The following EIF3H variants were observed in gnomAD, a reference collection of about 807,000 sequenced individuals.
The protein encoded by EIF3H is eIF-3-gamma.
In EIF3H, 26 loss-of-function variants were observed where a neutral mutation model predicts 44.2. The observed-to-expected ratio is 0.59, with a 90% confidence interval of 0.43 to 0.82. The LOEUF is 0.82. Ranked by LOEUF, EIF3H falls within the 40% of genes least tolerant of loss-of-function variation. The pLI is 0.00. For missense variants in EIF3H, 359 were observed against 432.8 expected (o/e 0.83, Z 1.51); for synonymous variants, 166 against 151.9 (o/e 1.09, Z -0.68).
chr8:116,741,799 T>C (rs979536859), intron 1 of EIF3H, among the ~76,000 whole-genome samples: 16 of 152,374 alleles, frequency 1.1e-4, no homozygotes, highest in Non-Finnish European at 2.2e-4. Flanking sequence ...TTTAATTCTG[T>C]AGACTTTCAT....
At chr8:116,743,808 ACACACAC>A (rs1815181316) in intron 1 of EIF3H, among the ~76,000 whole-genome samples, 3 of 86,034 alleles carry the variant, frequency 3.5e-5, no homozygotes, top group Non-Finnish European at 6.1e-5. Flanking sequence ...AAACACACAC[ACACACAC>A]ACACACACAC....
intron 5 of EIF3H, among the ~76,000 whole-genome samples, chr8:116,652,525 G>A (rs1350219955): frequency 6.6e-6 from 1 of 152,142 alleles, no homozygotes; most frequent in African/African-American, 2.4e-5. Flanking sequence ...TTTGTTTTTA[G>A]GAGATGCACG....
At chr8:116,741,558 C>A (rs979096607) in intron 1 of EIF3H, among the ~76,000 whole-genome samples, 1 of 152,198 alleles carries the variant, frequency 6.6e-6, no homozygotes, top group Non-Finnish European at 1.5e-5. Context: ...AAAGCTCAAA[C>A]TATACCAGTC....
chr8:116,661,345 G>C (rs1027880480), intron 2 of EIF3H, among the ~76,000 whole-genome samples: 1 of 152,168 alleles, frequency 6.6e-6, no homozygotes, highest in Non-Finnish European at 1.5e-5. Context: ...CTTATGCAAC[G>C]TATTAGTATA....
In EIF3H at chr8:116,642,503, GTTATGA is replaced by G. The variant is rs1339946152; in HGVS notation, c.*2497_*2502del. The G allele has an allele frequency of 6.6e-6, 1 of 152,128 alleles. No homozygotes were observed. The highest frequency in any genetic ancestry group is 1.5e-5 in the Non-Finnish European group (1 of 68,026). 9.4% of individuals were successfully genotyped at this position (152,128 alleles called of 1,614,324 possible). ...CATTCTTTCAGGTTTTAAGAATAAT[GTTATGA>G]TTATTAGATTATTATCAATGATTAG... On this transcript the variant is annotated 3_prime_UTR_variant, in exon 8 of 8. Coordinates refer to ENST00000521861, the MANE Select transcript of EIF3H (RefSeq NM_003756.3).
chr8:116,711,278 C>T (rs1343561485), intron 2 of EIF3H, among the ~76,000 whole-genome samples: 1 of 152,158 alleles, frequency 6.6e-6, no homozygotes, highest in Non-Finnish European at 1.5e-5. Flanking sequence ...AACTTCTATA[C>T]CACCCTATTC....
chr8:116,755,781 T>C lies in EIF3H; in HGVS notation c.17A>G (p.Glu6Gly), dbSNP rs753861277. Residue 6 changes from glutamate (E) to glycine (G), a missense_variant, in exon 1 of 8, where the codon GAA becomes GGA. Physicochemically the swap from Glu to Gly is moderately conservative, Grantham distance 98. Transcript: ENST00000521861. ...AGAGGTGGCAGTAGAGCCGGTACCT[T>C]CCTTGCGGGACGCCATCTTTCCAAG... is the stretch of plus-strand genomic sequence containing the variant. MASRK[E>G]GTGSTATSSS... is the part of the protein sequence containing the mutation. 1.9e-6 allele frequency: 3 copies of C among 1,613,744 alleles called. No homozygotes were observed. Among genetic ancestry groups the C allele is most frequent in the Middle Eastern group, 1.6e-4 (1 of 6,084 alleles).
At chr8:116,741,838 C>A (rs1470392081) in intron 1 of EIF3H, among the ~76,000 whole-genome samples, 1 of 152,228 alleles carries the variant, frequency 6.6e-6, no homozygotes, top group Non-Finnish European at 1.5e-5. Context: ...ACTGACTGGT[C>A]TGTGAACTTG....
At chr8:116,750,425 T>TC (rs1219506914) in intron 1 of EIF3H, among the ~76,000 whole-genome samples, 6 of 148,852 alleles carry the variant, frequency 4.0e-5, no homozygotes, top group African/African-American at 1.3e-4. Context: ...TTTTTTTTTT[T>TC]CTGAGACGGA....
chr8:116,657,206 A>G lies in EIF3H; in HGVS notation c.557+9T>C. The G allele has an allele frequency of 1.2e-6, 2 of 1,608,524 alleles. No homozygotes were observed. The highest frequency in any genetic ancestry group is 1.7e-6 in the Non-Finnish European group (2 of 1,175,090). ...CCCAACCCTTTACCAGATGCCCCCA[A>G]ACACTTACGCTTCAGGGGAAAAATC... On this transcript the variant is annotated intron_variant, in intron 4 of 7. Coordinates refer to ENST00000521861, the MANE Select transcript of EIF3H (RefSeq NM_003756.3).
rs1448131354 is a variant in EIF3H at position 116,646,598 on chromosome 8, C to T, written c.834G>A (p.Gln278=). Residue 278 remains glutamine (Q), a synonymous_variant, in exon 7 of 8, where the codon CAG becomes CAA. Transcript: ENST00000521861. ...SKQQQQKHQY[Q]QRRQQENMQR... ...GCATATTCTCCTGCTGGCGACGCTG[C>T]TGATACTAAAATTCAAAGGGAAAAT... is the stretch of plus-strand genomic sequence containing the variant. 4 of 1,613,858 alleles carry T rather than the reference C, an allele frequency of 2.5e-6. No individual in the cohort carries two copies. Among genetic ancestry groups the T allele is most frequent in the Non-Finnish European group, 3.4e-6 (4 of 1,179,948 alleles).
chr8:116,755,996 T>C, upstream of EIF3H: 1 of 1,536,220 alleles, frequency 6.5e-7, no homozygotes, highest in African/African-American at 1.4e-5. Flanking sequence ...CTGTACATTT[T>C]CGACCTCTTT....
intron 2 of EIF3H, among the ~76,000 whole-genome samples, chr8:116,667,633 G>C (rs1315800077): frequency 6.6e-6 from 1 of 152,154 alleles, no homozygotes; most frequent in African/African-American, 2.4e-5. Flanking sequence ...ATTCAAAGGA[G>C]AACAAATGAT....
chr8:116,655,576 G>C (rs1813475052), intron 5 of EIF3H, among the ~76,000 whole-genome samples: 1 of 152,128 alleles, frequency 6.6e-6, no homozygotes, highest in Non-Finnish European at 1.5e-5. Context: ...CTTGGGCACT[G>C]ACCTTATCAA....
intron 2 of EIF3H, among the ~76,000 whole-genome samples, chr8:116,696,834 T>C (rs1004235573): frequency 5.3e-5 from 8 of 152,126 alleles, no homozygotes; most frequent in African/African-American, 1.4e-4. Context: ...AAGTACAAGT[T>C]TGACTACAAA....
chr8:116,655,906 T>C lies in EIF3H; in HGVS notation c.657A>G (p.Glu219=), dbSNP rs1367785408. 1 of 1,613,852 alleles carries C rather than the reference T, an allele frequency of 6.2e-7. No homozygotes were observed. The highest frequency in any genetic ancestry group is 2.2e-5 in the East Asian group (1 of 44,866). ...HLINVLMWEL[E]KKSAVADKHE... ...GTTTATCTGCAACAGCTGACTTCTT[T>C]TCAAGTTCCCACATTAGGACATTGA... Residue 219 remains glutamate, a synonymous_variant, in exon 5 of 8, where the codon GAA becomes GAG. Transcript: ENST00000521861.
intron 1 of EIF3H, among the ~76,000 whole-genome samples, chr8:116,755,142 T>C (rs945639613): frequency 6.6e-6 from 1 of 152,242 alleles, no homozygotes; most frequent in Admixed American, 6.5e-5. Context: ...TGATATTCTT[T>C]TATGTTTTTC....
At chr8:116,759,278 G>A (rs1586500610), upstream of EIF3H, among the ~76,000 whole-genome samples, 1 of 152,236 alleles carries the variant, frequency 6.6e-6, no homozygotes, top group African/African-American at 2.4e-5. Flanking sequence ...GAGAGAGGCT[G>A]ATGAGGGCCT....
chr8:116,741,748 T>C (rs1815137042), intron 1 of EIF3H, among the ~76,000 whole-genome samples: 1 of 152,262 alleles, frequency 6.6e-6, no homozygotes, highest in African/African-American at 2.4e-5. Context: ...CTGTAAGATC[T>C]CCCTTTAGCA....
Sources: gnomAD v4.1 joint callset for allele counts (sites outside exome capture counted in the v4.1 genomes callset) on GRCh38, gnomAD v4.1.1 for gene constraint, MANE v1.5 for transcripts, NCBI Gene and HGNC (gene_info 2026-07-23, HGNC 2026-07-21) for gene names.